ZNF746: variants seen among roughly 807,000 people sequenced by gnomAD.
ZNF746 encodes the protein parkin-interacting substrate.
Under a neutral mutation model 41.0 loss-of-function variants are expected in ZNF746, and 13 were observed. That is an observed-to-expected ratio of 0.32 (90% CI 0.21 to 0.50). ZNF746 has a LOEUF of 0.50. ZNF746 is among the 20% of genes least tolerant of loss of function. ZNF746 has a pLI of 0.98. For missense variants in ZNF746, 811 were observed against 922.9 expected (o/e 0.88, Z 1.57); for synonymous variants, 424 against 396.2 (o/e 1.07, Z -0.83).
In ZNF746 at chr7:149,497,493, C is replaced by A. The variant is rs1461378737; in HGVS notation, c.24+20G>T. 8 of 1,094,642 alleles carry A rather than the reference C, an allele frequency of 7.3e-6. No individual in the cohort carries two copies. The highest frequency in any genetic ancestry group is 4.1e-4 in the Middle Eastern group (1 of 2,452). The allele number at this position is 1,094,642 out of a possible 1,614,324, so 67.8% of individuals were successfully genotyped here. ...GGGGCCCCCAGGCCGCGAGTCCCTG[C>A]GCGCGCGGGTCGCCCTTACCGGAGC... On this transcript the variant is annotated intron_variant, in intron 1 of 6. Coordinates refer to ENST00000458143, the MANE Select transcript of ZNF746 (RefSeq NM_001394198.1). The surrounding 1 kb of genome is among the most constrained non-coding windows in gnomAD (Gnocchi z 4.2).
chr7:149,485,012 A>G (rs1438826104), intron 4 of ZNF746, among the ~76,000 whole-genome samples: 1 of 152,170 alleles, frequency 6.6e-6, no homozygotes, highest in East Asian at 1.9e-4. Flanking sequence ...ATAATTCTGC[A>G]TAAAGGGCAG....
chr7:149,482,467 G>GAT (rs1554498102), intron 4 of ZNF746, among the ~76,000 whole-genome samples: 1 of 144,664 alleles, frequency 6.9e-6, no homozygotes, highest in African/African-American at 2.5e-5. Flanking sequence ...TAATTCTAAG[G>GAT]TTTTTTTTTT....
chr7:149,492,394 G>A (rs1800833718), intron 4 of ZNF746, among the ~76,000 whole-genome samples: 1 of 152,128 alleles, frequency 6.6e-6, no homozygotes, highest in African/African-American at 2.4e-5. Flanking sequence ...GTAACACACA[G>A]AACATACAAA....
At chr7:149,479,450 A>C (rs1800419836) in intron 4 of ZNF746, among the ~76,000 whole-genome samples, 1 of 152,262 alleles carries the variant, frequency 6.6e-6, no homozygotes, top group Non-Finnish European at 1.5e-5. Flanking sequence ...ACAAATTTAA[A>C]AAATAATCTC....
Position 149,474,889 on chromosome 7 carries a change from G to A in ZNF746, c.1478C>T (p.Ala493Val), listed in dbSNP as rs1304295077. Residue 493 changes from alanine to valine, a missense_variant, in exon 7 of 7, where the codon GCG (alanine) becomes GTG (valine). Physicochemically the swap from Ala to Val is moderately conservative, Grantham distance 64. This residue lies in a region of ZNF746 where 495 missense variants were observed against 481.6 expected (regional missense o/e 1.03). Transcript: ENST00000458143. This position sits in a 1 kb window ranked among gnomAD's most constrained non-coding sequence, Gnocchi z 6.3. The part of the protein sequence containing the change: ...SLSAHQRSCG[A>V]PDGSGPGTGG... ...TGTGCCCGGGCCCGACCCGTCGGGC[G>A]CCCCACAGCTGCGCTGGTGCGCGCT... 7 of 1,519,678 alleles carry A rather than the reference G, an allele frequency of 4.6e-6. No individual in the cohort carries two copies. The highest frequency in any genetic ancestry group is 6.1e-6 in the Non-Finnish European group (7 of 1,139,038). The allele number at this position is 1,519,678 out of a possible 1,614,324, so 94.1% of individuals were successfully genotyped here.
At position 149,497,557 on chromosome 7, in the gene ZNF746, G is replaced by T. The variant is rs928587800; in HGVS notation, c.-21C>A. The T allele has an allele frequency of 5.7e-6, 6 of 1,061,570 alleles. No individual in the cohort carries two copies. Among genetic ancestry groups the T allele is most frequent in the African/African-American group, 1.7e-5 (1 of 58,532 alleles). The allele number at this position is 1,061,570 out of a possible 1,614,324, so 65.8% of individuals were successfully genotyped here. On this transcript the variant is annotated 5_prime_UTR_variant, in exon 1 of 7. Transcript: ENST00000458143. The surrounding 1 kb of genome is among the most constrained non-coding windows in gnomAD (Gnocchi z 4.2). ...GCCATGGCCCTGCGCTGTCCCGCCC[G>T]GCCCGGAGGAAGTCGTCGTCGCCGC... is the stretch of plus-strand genomic sequence containing the variant.
chr7:149,475,558 G>C (rs748105766), intron 6 of ZNF746, 75 bp from the exon 7 acceptor site: 11 of 1,532,398 alleles, frequency 7.2e-6, no homozygotes, highest in Non-Finnish European at 9.7e-6. Context: ...ACCATCACCT[G>C]CTCAGCAGCT....
At position 149,474,989 on chromosome 7, in the gene ZNF746, G is replaced by C. The variant is rs888147223; in HGVS notation, c.1378C>G (p.Pro460Ala). 1 of 1,548,794 alleles carries C rather than the reference G, an allele frequency of 6.5e-7. No individual in the cohort carries two copies. The highest frequency in any genetic ancestry group is 8.7e-7 in the Non-Finnish European group (1 of 1,146,662). ...GGCCGGCCCCCGGGGGGCGCCGCGG[G>C]GTGCTTCTTCAGCCCTGGCTTGTGG... is the stretch of plus-strand genomic sequence containing the variant. ...FGHKPGLKKH[P>A]AAPPGGRPFT... Residue 460 changes from proline (P) to alanine (A), a missense_variant, in exon 7 of 7, where the codon CCC (proline) becomes GCC (alanine). Pro to Ala is a conservative substitution (Grantham distance 27). Coordinates refer to ENST00000458143, the MANE Select transcript of ZNF746 (RefSeq NM_001394198.1). The surrounding 1 kb of genome is among the most constrained non-coding windows in gnomAD (Gnocchi z 6.3).
chr7:149,479,274 G>A (rs1352422531), intron 4 of ZNF746, among the ~76,000 whole-genome samples: 1 of 152,110 alleles, frequency 6.6e-6, no homozygotes, highest in Non-Finnish European at 1.5e-5. Context: ...ACCTTAAAAG[G>A]TACCCAAGAG....
chr7:149,487,180 C>T (rs1358053971), intron 4 of ZNF746, among the ~76,000 whole-genome samples: 1 of 152,220 alleles, frequency 6.6e-6, no homozygotes. Context: ...ATCCCCAAAC[C>T]ATGCTCCCGG....
In ZNF746 at chr7:149,497,767, A is replaced by C. The variant is rs544494279; in HGVS notation, c.-231T>G. On this transcript the variant is annotated 5_prime_UTR_variant, in exon 1 of 7. Coordinates refer to ENST00000458143, the MANE Select transcript of ZNF746 (RefSeq NM_001394198.1). This position sits in a 1 kb window ranked among gnomAD's most constrained non-coding sequence, Gnocchi z 4.2. Reference sequence around the variant, plus strand: ...CTGGGAGCCGGCGCCGCGGCCCGGCAGACGAAGGCCCGTGAGGCTTCCTGG... The same window carrying C: ...CTGGGAGCCGGCGCCGCGGCCCGGCCGACGAAGGCCCGTGAGGCTTCCTGG... The C allele has an allele frequency of 1.8e-5, 3 of 164,166 alleles. No homozygotes were observed. The highest frequency in any genetic ancestry group is 6.5e-5 in the Admixed American group (1 of 15,282). The allele number at this position is 164,166 out of a possible 1,614,324, so 10.2% of individuals were successfully genotyped here.
rs765144242 is a variant in ZNF746, at chr7:149,474,518, G to C, written c.1849C>G (p.Leu617Val). The change falls in exon 7 of 7, where the codon CTC becomes GTC. Residue 617 changes from leucine (L) to valine (V), a missense_variant. Around this residue, in one of 4 missense-constraint regions of ZNF746, gnomAD observed 99 missense variants for 80.3 expected, o/e 1.23. Transcript: ENST00000458143. The surrounding 1 kb of genome is among the most constrained non-coding windows in gnomAD (Gnocchi z 6.3). ...TCAGGAGGTGCGGGCGGCGTCGGGAGTGGCTGGCCTCGGGCCGGGGTCTTG... is the reference window on the plus strand; with the variant it reads ...TCAGGAGGTGCGGGCGGCGTCGGGACTGGCTGGCCTCGGGCCGGGGTCTTG... ...GAKTPARGQP[L>V]PTPPAPPDPF... 5.0e-6 allele frequency: 8 copies of C among 1,608,568 alleles called. No individual in the cohort carries two copies. Among genetic ancestry groups the C allele is most frequent in the African/African-American group, 4.0e-5 (3 of 74,890 alleles).
intron 4 of ZNF746, among the ~76,000 whole-genome samples, chr7:149,482,650 A>T (rs1800516672): frequency 6.6e-6 from 1 of 152,118 alleles, no homozygotes. Flanking sequence ...TCTTTAGTAG[A>T]GACAGAGTTT....
At chr7:149,483,022 A>G (rs1800526486) in intron 4 of ZNF746, among the ~76,000 whole-genome samples, 1 of 152,230 alleles carries the variant, frequency 6.6e-6, no homozygotes, top group African/African-American at 2.4e-5. Flanking sequence ...TTAAGGAAAA[A>G]TGAACACTTT....
intron 4 of ZNF746, among the ~76,000 whole-genome samples, chr7:149,482,647 T>C (rs762370985): frequency 3.3e-5 from 5 of 152,140 alleles, no homozygotes; most frequent in Non-Finnish European, 2.9e-5. Flanking sequence ...ATATCTTTAG[T>C]AGAGACAGAG....
intron 4 of ZNF746, among the ~76,000 whole-genome samples, chr7:149,487,355 T>C (rs747635951): frequency 2.0e-5 from 3 of 152,240 alleles, no homozygotes; most frequent in Non-Finnish European, 4.4e-5. Flanking sequence ...TTGGGTAGCA[T>C]GGTTAGAAGG....
chr7:149,481,236 T>C lies in ZNF746; in HGVS notation c.566-3481A>G, dbSNP rs528312131. On this transcript the variant is annotated intron_variant, in intron 4 of 6. Coordinates refer to ENST00000458143, the MANE Select transcript of ZNF746 (RefSeq NM_001394198.1). ...AAATTATGTCTTTCCACTACAGTTG[T>C]CCCTTGGTGTCAGTGGGGGATTGGT... Among the ~76,000 whole-genome samples the C allele has an allele frequency of 7.9e-5, 12 of 152,326 alleles. No homozygotes were observed. In the South Asian group the frequency reaches 1.2e-3, roughly 16 times the overall value.
chr7:149,475,484 C>T lies in ZNF746; in HGVS notation c.884-1G>A, dbSNP rs776818537. ...GTTTTTATTACAATTTTTACATCTG[C>T]TGAGAAAGACAGAAAGACAGATACT... On this transcript the variant is annotated splice_acceptor_variant, in intron 6 of 6. Coordinates refer to ENST00000458143, the MANE Select transcript of ZNF746 (RefSeq NM_001394198.1). LOFTEE classifies it high-confidence loss of function. 5.3e-5 allele frequency: 85 copies of T among 1,609,786 alleles called. No individual in the cohort carries two copies. In the South Asian group the frequency reaches 8.1e-4, roughly 15 times the overall value.
At chr7:149,475,861 T>C (rs1323832892) in intron 6 of ZNF746, among the ~76,000 whole-genome samples, 3 of 152,236 alleles carry the variant, frequency 2.0e-5, no homozygotes, top group Non-Finnish European at 4.4e-5. Flanking sequence ...AGCTGTGGGC[T>C]GCAGGCAGTT....
Sources: gnomAD v4.1 joint callset for allele counts (sites outside exome capture counted in the v4.1 genomes callset) on GRCh38, gnomAD v4.1.1 for gene constraint, gnomAD v4.1.1 regional missense constraint, Gnocchi (gnomAD v3.1) non-coding constraint, MANE v1.5 for transcripts, NCBI Gene and HGNC (gene_info 2026-07-23, HGNC 2026-07-21) for gene names.